EDIL3: variants seen among roughly 807,000 people sequenced by gnomAD.
EDIL3 encodes the protein EGF like and discoidin domains 3, also known as EGF-like repeat and discoidin I-like domain-containing protein 3.
In EDIL3, 37 loss-of-function variants were observed where a neutral mutation model predicts 67.4. The ratio of observed to expected loss-of-function variants is 0.55; its 90% confidence interval spans 0.42 to 0.72. The LOEUF is 0.72. Ranked by LOEUF, EDIL3 falls within the 30% of genes least tolerant of loss-of-function variation. EDIL3 has a pLI of 0.00. For synonymous variants in EDIL3, 195 were observed against 196.3 expected (o/e 0.99, Z 0.05); for missense variants, 527 against 586.3 (o/e 0.90, Z 1.04).
intron 6 of EDIL3, among the ~76,000 whole-genome samples, chr5:84,099,617 A>G (rs1003716959): frequency 3.3e-5 from 5 of 152,282 alleles, no homozygotes; most frequent in African/African-American, 1.2e-4. Context: ...CCTTAAAACC[A>G]TAAAAATCCT....
In EDIL3 at chr5:84,064,837, C is replaced by A. The variant is rs368525977; in HGVS notation, c.815G>T (p.Arg272Leu). 6.8e-6 allele frequency: 11 copies of A among 1,608,650 alleles called. No homozygotes were observed. In the South Asian group the frequency reaches 1.1e-4, roughly 16 times the overall value. ...VKGTNEDMVF[R>L]GNIDNNTPYA... ...TGGAGTGTTGTTATCAATGTTTCCA[C>A]GAAACACCTGTGTAAAAACAGTTTA... Residue 272 changes from arginine (R) to leucine (L), a missense_variant, in exon 8 of 11, where the codon CGT becomes CTT. Around this residue, in one of 2 missense-constraint regions of EDIL3, gnomAD observed 494 missense variants for 522.5 expected, o/e 0.95. Transcript: ENST00000296591.
chr5:84,378,573 A>C (rs912493308), intron 1 of EDIL3, among the ~76,000 whole-genome samples: 14 of 152,222 alleles, frequency 9.2e-5, no homozygotes, highest in African/African-American at 2.9e-4. Flanking sequence ...TTGAAAGCCA[A>C]GAGAAATAAG....
chr5:84,262,631 C>CT (rs1249540256), intron 1 of EDIL3, among the ~76,000 whole-genome samples: 3 of 136,508 alleles, frequency 2.2e-5, no homozygotes, highest in Non-Finnish European at 3.1e-5. Context: ...GAAATTCAAC[C>CT]ATAAACTACA....
intron 3 of EDIL3, among the ~76,000 whole-genome samples, chr5:84,223,033 G>C (rs556357214): frequency 6.6e-6 from 1 of 151,776 alleles, no homozygotes; most frequent in African/African-American, 2.4e-5. Flanking sequence ...CTTTTGCTGT[G>C]ACATCCAAAA....
intron 9 of EDIL3, among the ~76,000 whole-genome samples, chr5:84,008,023 G>C (rs931549811): frequency 6.6e-6 from 1 of 152,120 alleles, no homozygotes; most frequent in African/African-American, 2.4e-5. Flanking sequence ...AAAGAAGCTA[G>C]GCACAGAAAG....
intron 1 of EDIL3, among the ~76,000 whole-genome samples, chr5:84,349,209 A>G (rs1209249817): frequency 6.6e-6 from 1 of 152,196 alleles, no homozygotes; most frequent in Non-Finnish European, 1.5e-5. Flanking sequence ...TTGAGGCAAC[A>G]GTGCATCGGA....
At chr5:84,132,915 C>G (rs1293964805) in intron 5 of EDIL3, among the ~76,000 whole-genome samples, 1 of 151,820 alleles carries the variant, frequency 6.6e-6, no homozygotes, top group Non-Finnish European at 1.5e-5. Context: ...TCTGAGATCA[C>G]CCAAGTGTTT....
chr5:83,960,334 T>C (rs1293655388), intron 10 of EDIL3, among the ~76,000 whole-genome samples: 3 of 151,132 alleles, frequency 2.0e-5, no homozygotes, highest in Non-Finnish European at 4.5e-5. Flanking sequence ...TAGTAAATAG[T>C]ATGCATCAAT....
intron 9 of EDIL3, among the ~76,000 whole-genome samples, chr5:83,973,567 C>G (rs1184121496): frequency 6.6e-6 from 1 of 152,018 alleles, no homozygotes; most frequent in African/African-American, 2.4e-5. Flanking sequence ...ATCAGACTTG[C>G]AGGTACTTCA....
rs566635985 is a variant in EDIL3 at position 84,273,941 on chromosome 5, A to AC, written c.68-19730dup. ...CTTGTTAATATTCTTCCCAGTGTGT[A>AC]CATCTATGCCTTGTTGTCAATATTC... On this transcript the variant is annotated intron_variant, in intron 1 of 10. Transcript: ENST00000296591. 3.5e-4 allele frequency among the ~76,000 whole-genome samples: 53 copies of AC among 152,266 alleles called. No homozygotes were observed. In the South Asian group the frequency reaches 9.1e-3, roughly 26 times the overall value.
chr5:84,100,943 T>C (rs1308825001), intron 6 of EDIL3, among the ~76,000 whole-genome samples: 1 of 152,070 alleles, frequency 6.6e-6, no homozygotes, highest in Non-Finnish European at 1.5e-5. Flanking sequence ...AAGGCCCTTT[T>C]TCTTTCGCCA....
chr5:84,210,030 A>G (rs1744086397), intron 3 of EDIL3, among the ~76,000 whole-genome samples: 1 of 152,216 alleles, frequency 6.6e-6, no homozygotes, highest in African/African-American at 2.4e-5. Flanking sequence ...TCAAAGTATA[A>G]AAAGTATATT....
intron 1 of EDIL3, among the ~76,000 whole-genome samples, chr5:84,359,369 T>C (rs541885046): frequency 6.6e-6 from 1 of 152,352 alleles, no homozygotes; most frequent in Admixed American, 6.5e-5. Flanking sequence ...ATTACTAATA[T>C]TAAATGTACA....
In EDIL3 at chr5:84,134,433, A is replaced by G. The variant is rs558639348; in HGVS notation, c.469+2808T>C. Among the ~76,000 whole-genome samples, 21 of 152,310 alleles carry G rather than the reference A, an allele frequency of 1.4e-4. No individual in the cohort carries two copies. In the South Asian group the frequency reaches 4.3e-3, roughly 32 times the overall value. On this transcript the variant is annotated intron_variant, in intron 5 of 10. Transcript: ENST00000296591. ...GTCCAGAAGAAAGGTTGTCAATCAT[A>G]TTCCAGGGTAGAAACCAGCACAGGA...
intron 6 of EDIL3, among the ~76,000 whole-genome samples, chr5:84,067,625 T>G (rs1746667911): frequency 1.3e-5 from 2 of 152,184 alleles, no homozygotes; most frequent in African/African-American, 4.8e-5. Flanking sequence ...TTCAGATTCA[T>G]GTAAGTGATT....
chr5:84,015,980 C>T (rs1745597734), intron 9 of EDIL3, among the ~76,000 whole-genome samples: 1 of 152,074 alleles, frequency 6.6e-6, no homozygotes, highest in Admixed American at 6.6e-5. Flanking sequence ...TACAGATCCT[C>T]TCATCACCCC....
chr5:84,384,235 G>C, intron 1 of EDIL3, 73 bp downstream of exon 1: 1 of 1,533,984 alleles, frequency 6.5e-7, no homozygotes, highest in Non-Finnish European at 8.8e-7. Context: ...ACCGCCTCCG[G>C]CCCCCTGCGC....
In EDIL3 at chr5:84,384,603, G is replaced by A; in HGVS notation, c.-229C>T. On this transcript the variant is annotated 5_prime_UTR_variant, in exon 1 of 11. Transcript: ENST00000296591. ...GCCTGCGCTCCGGCGCGCGGAGGTGGGTGAGCTCCGGGGAGCCGCCGGCGG... is the reference window on the plus strand; with the variant it reads ...GCCTGCGCTCCGGCGCGCGGAGGTGAGTGAGCTCCGGGGAGCCGCCGGCGG... 2.7e-6 allele frequency: 1 copy of A among 363,916 alleles called. No homozygotes were observed. The highest frequency in any genetic ancestry group is 4.9e-6 in the Non-Finnish European group (1 of 205,258). 22.5% of individuals were successfully genotyped at this position (363,916 alleles called of 1,614,324 possible).
At chr5:84,361,489 G>A (rs1415362893) in intron 1 of EDIL3, among the ~76,000 whole-genome samples, 3 of 151,922 alleles carry the variant, frequency 2.0e-5, no homozygotes, top group East Asian at 3.9e-4. Context: ...GATGATCATA[G>A]GTACTCTAAT....
Sources: gnomAD v4.1 joint callset for allele counts (sites outside exome capture counted in the v4.1 genomes callset) on GRCh38, gnomAD v4.1.1 for gene constraint, gnomAD v4.1.1 regional missense constraint, MANE v1.5 for transcripts, NCBI Gene and HGNC (gene_info 2026-07-23, HGNC 2026-07-21) for gene names.